MAP4K3: variants seen among roughly 807,000 people sequenced by gnomAD.
MAP4K3 encodes the protein MAPK/ERK kinase kinase kinase 3.
MAP4K3 carries 94 observed loss-of-function variants against 143.5 expected under a neutral mutation model. The observed-to-expected ratio is 0.65, with a 90% CI of 0.55 to 0.78. The LOEUF is 0.78. MAP4K3 is among the 30% of genes least tolerant of loss of function. MAP4K3 has a pLI of 0.00. For missense variants in MAP4K3, 1,077 were observed against 1,068.1 expected, an observed-to-expected ratio of 1.01 and a Z score of -0.12; for synonymous variants, 416 against 347.2, an observed-to-expected ratio of 1.20 and a Z score of -2.20.
intron 31 of MAP4K3, 58 bp downstream of exon 31, chr2:39,258,290 A>G: frequency 9.4e-7 from 1 of 1,061,130 alleles, no homozygotes; most frequent in Non-Finnish European, 1.4e-6. Context: ...TTGGATAATT[A>G]GCAGATAAAT....
chr2:39,310,030 T>G (rs111704859), intron 13 of MAP4K3, among the ~76,000 whole-genome samples: 22 of 152,304 alleles, frequency 1.4e-4, no homozygotes, highest in East Asian at 1.3e-3. Context: ...ATGCGATATT[T>G]TGATACACGT....
intron 2 of MAP4K3, among the ~76,000 whole-genome samples, chr2:39,359,206 C>T (rs1192091979): frequency 6.6e-6 from 1 of 152,156 alleles, no homozygotes; most frequent in Non-Finnish European, 1.5e-5. Flanking sequence ...GGACTACAGG[C>T]CCCTTGCAAG....
chr2:39,382,774 A>T (rs1399047170), intron 1 of MAP4K3, among the ~76,000 whole-genome samples: 1 of 152,244 alleles, frequency 6.6e-6, no homozygotes, highest in Non-Finnish European at 1.5e-5. Flanking sequence ...GCTGATACAC[A>T]GTCAGGTTTG....
chr2:39,333,964 TG>T (rs1296964630), intron 6 of MAP4K3, among the ~76,000 whole-genome samples: 6 of 91,218 alleles, frequency 6.6e-5, no homozygotes, highest in South Asian at 2.7e-4. Context: ...CCCATTTTTG[TG>T]TGTGTGTGTG....
At position 39,400,676 on chromosome 2, in the gene MAP4K3, G is replaced by T. The variant is rs151152166; in HGVS notation, c.97-22553C>A. On this transcript the variant is annotated intron_variant, in intron 1 of 33. Transcript: ENST00000263881. ...AAGTGAATTTATTATTATAAATTAT[G>T]ACTGGAAGTCCTGCTTTATTTATAT... 1.9e-3 allele frequency among the ~76,000 whole-genome samples: 292 copies of T among 151,596 alleles called. 1 individual carries two copies. The highest frequency in any genetic ancestry group is 3.4e-3 in the Middle Eastern group (1 of 294).
chr2:39,359,028 G>A (rs906439668), intron 2 of MAP4K3, among the ~76,000 whole-genome samples: 2 of 152,076 alleles, frequency 1.3e-5, no homozygotes, highest in Admixed American at 1.3e-4. Context: ...GTTCACTCCA[G>A]CATCAACCCA....
At chr2:39,363,960 A>C (rs1281149532) in intron 2 of MAP4K3, among the ~76,000 whole-genome samples, 1 of 148,818 alleles carries the variant, frequency 6.7e-6, no homozygotes, top group African/African-American at 2.5e-5. Flanking sequence ...CAAAAACATA[A>C]TGTCACTTCT....
intron 21 of MAP4K3, among the ~76,000 whole-genome samples, chr2:39,284,864 TA>T (rs1681694976): frequency 6.6e-6 from 1 of 151,382 alleles, no homozygotes; most frequent in East Asian, 1.9e-4. Context: ...AATAAATAAA[TA>T]AAATAAAATA....
chr2:39,381,728 T>G (rs1666360268), intron 1 of MAP4K3, among the ~76,000 whole-genome samples: 1 of 152,228 alleles, frequency 6.6e-6, no homozygotes, highest in South Asian at 2.1e-4. Context: ...CATTTTAATC[T>G]GGCCCCCATC....
At chr2:39,295,091 C>G (rs558344913) in intron 16 of MAP4K3, among the ~76,000 whole-genome samples, 2 of 150,760 alleles carry the variant, frequency 1.3e-5, no homozygotes, top group Non-Finnish European at 3.0e-5. Flanking sequence ...TATTTTGTCT[C>G]ATAAAAAATA....
Position 39,286,956 on chromosome 2 carries a change from T to G in MAP4K3, c.1483A>C (p.Met495Leu), listed in dbSNP as rs946744473. The change falls in exon 21 of 34, where the codon ATG becomes CTG. Residue 495 changes from methionine to leucine, a missense_variant. Met to Leu is a conservative substitution (Grantham distance 15). Transcript: ENST00000263881. The stretch of plus-strand genomic sequence containing the variant: ...TCACCATTTAACTGGAAGGAGCTCA[T>G]TCCATTTCCTTCAATAAGATATATT... ...PHKPVALGNG[M>L]SSFQLNGERD... 1.9e-6 allele frequency: 3 copies of G among 1,586,774 alleles called. No individual in the cohort carries two copies. The highest frequency in any genetic ancestry group is 2.6e-6 in the Non-Finnish European group (3 of 1,160,796).
chr2:39,315,565 G>A (rs1683089919), intron 12 of MAP4K3, 177 bp from the exon 13 acceptor site: 8 of 517,212 alleles, frequency 1.5e-5, no homozygotes, highest in South Asian at 5.6e-5. Context: ...CAAACTATTA[G>A]GTGAAAAAAT....
intron 1 of MAP4K3, among the ~76,000 whole-genome samples, chr2:39,398,334 G>A (rs1377185042): frequency 1.3e-5 from 2 of 151,988 alleles, no homozygotes; most frequent in East Asian, 3.9e-4. Flanking sequence ...TTTATATACT[G>A]ACTGATATAA....
intron 2 of MAP4K3, among the ~76,000 whole-genome samples, chr2:39,361,162 G>C (rs1422912013): frequency 1.1e-4 from 16 of 151,912 alleles, no homozygotes; most frequent in Non-Finnish European, 4.4e-5. Flanking sequence ...TTTCTCTTCT[G>C]TTTCTTTCTT....
intron 2 of MAP4K3, among the ~76,000 whole-genome samples, chr2:39,360,409 A>G (rs753674468): frequency 1.2e-4 from 18 of 152,264 alleles, no homozygotes; most frequent in Non-Finnish European, 2.2e-4. Flanking sequence ...TCTGAGCCCT[A>G]CAAGTCTCTC....
At chr2:39,351,179 T>C (rs1477606725) in intron 3 of MAP4K3, among the ~76,000 whole-genome samples, 1 of 152,214 alleles carries the variant, frequency 6.6e-6, no homozygotes, top group African/African-American at 2.4e-5. Context: ...GAAGTAACTA[T>C]GTACCCCCTT....
chr2:39,387,509 A>C (rs1346071927), intron 1 of MAP4K3, among the ~76,000 whole-genome samples: 1 of 152,254 alleles, frequency 6.6e-6, no homozygotes, highest in Non-Finnish European at 1.5e-5. Flanking sequence ...TAGACAGCAC[A>C]ACTCTAAAAT....
chr2:39,282,437 CA>C, intron 22 of MAP4K3, 75 bp downstream of exon 22: 3 of 1,219,294 alleles, frequency 2.5e-6, no homozygotes, highest in Non-Finnish European at 2.4e-6. Flanking sequence ...TTCAAACAGA[CA>C]AAAAAACCTA....
intron 12 of MAP4K3, among the ~76,000 whole-genome samples, chr2:39,318,025 A>G (rs1273246109): frequency 6.6e-6 from 1 of 152,162 alleles, no homozygotes; most frequent in Non-Finnish European, 1.5e-5. Flanking sequence ...GCCCAACAAC[A>G]GTAGACTGAA....
Sources: gnomAD v4.1 joint callset for allele counts (sites outside exome capture counted in the v4.1 genomes callset) on GRCh38, gnomAD v4.1.1 for gene constraint, MANE v1.5 for transcripts, NCBI Gene and HGNC (gene_info 2026-07-23, HGNC 2026-07-21) for gene names.